Variants in RBFOX1 observed in about 807,000 individuals in gnomAD.
RBFOX1 encodes the protein RNA binding fox-1 homolog 1.
Under a neutral mutation model 57.7 loss-of-function variants are expected in RBFOX1, and 8 were observed. That is an observed-to-expected ratio of 0.14 (90% CI 0.08 to 0.25). The LOEUF (loss-of-function observed/expected upper bound fraction) is 0.25. Among genes scored for constraint, RBFOX1 ranks in the 10% least tolerant of loss-of-function variants. The probability of loss-of-function intolerance (pLI) is 1.00; values close to 1 mark genes in which losing one functional copy is unlikely to be tolerated. For missense variants in RBFOX1, 611 were observed against 548.5 expected (o/e 1.11, Z -1.14); for synonymous variants, 326 against 222.4 (o/e 1.47, Z -4.15).
intron 10 of RBFOX1, among the ~76,000 whole-genome samples, chr16:7,610,681 T>C (rs2057313293): frequency 6.6e-6 from 1 of 152,206 alleles, no homozygotes. Flanking sequence ...GACATGTAGC[T>C]GTAATTTTAA....
chr16:5,662,412 C>G (rs1329460310), intron 3 of RBFOX1, among the ~76,000 whole-genome samples: 1 of 152,080 alleles, frequency 6.6e-6, no homozygotes, highest in Non-Finnish European at 1.5e-5. Context: ...TGTGAAAGTG[C>G]CAATATCATC....
intron 14 of RBFOX1, among the ~76,000 whole-genome samples, chr16:7,691,971 G>T (rs2077450826): frequency 6.6e-6 from 1 of 152,150 alleles, no homozygotes; most frequent in African/African-American, 2.4e-5. Flanking sequence ...CATACCTGTA[G>T]TTAGGAATTC....
intron 3 of RBFOX1, among the ~76,000 whole-genome samples, chr16:5,751,541 G>T (rs1250776687): frequency 1.3e-5 from 2 of 152,252 alleles, no homozygotes; most frequent in African/African-American, 4.8e-5. Context: ...GCTGGATGAA[G>T]GTGAATCTGG....
intron 2 of RBFOX1, among the ~76,000 whole-genome samples, chr16:6,581,677 G>T (rs1218234372): frequency 1.3e-5 from 2 of 152,160 alleles, no homozygotes; most frequent in Non-Finnish European, 2.9e-5. Flanking sequence ...CTGCTAAGGG[G>T]GCCTCCCTCA....
At chr16:5,722,014 G>C (rs946259577) in intron 3 of RBFOX1, among the ~76,000 whole-genome samples, 1 of 152,162 alleles carries the variant, frequency 6.6e-6, no homozygotes, top group South Asian at 2.1e-4. Context: ...TGTTGCCTGG[G>C]TTGGGCTCTA....
rs147745638 is a variant in RBFOX1 at position 7,686,062 on chromosome 16, G to A, written c.995+9224G>A. On this transcript the variant is annotated intron_variant, in intron 14 of 15. Coordinates refer to ENST00000550418, the MANE Select transcript of RBFOX1 (RefSeq NM_018723.4). ...ATGGATGACCATTGCTTCTTTGCGT[G>A]GTTGTGAGAATCCATTGCTGTCATG... is the stretch of plus-strand genomic sequence containing the variant. Among the ~76,000 whole-genome samples, 163 of 152,022 alleles carry A rather than the reference G, an allele frequency of 1.1e-3. 1 individual carries two copies. The East Asian group carries it at 0.024, about 23-fold the overall frequency.
At chr16:6,787,454 C>T (rs906647853) in intron 3 of RBFOX1, among the ~76,000 whole-genome samples, 6 of 152,174 alleles carry the variant, frequency 3.9e-5, no homozygotes, top group East Asian at 1.9e-4. Flanking sequence ...CCTGGTTATA[C>T]AGTTAGAGTG....
chr16:6,173,577 T>C (rs1419900973), intron 1 of RBFOX1, among the ~76,000 whole-genome samples: 1 of 150,818 alleles, frequency 6.6e-6, no homozygotes, highest in Non-Finnish European at 1.5e-5. Flanking sequence ...AGCTATTGAA[T>C]TGTATGGAGT....
chr16:6,229,210 T>G (rs1031003362), intron 1 of RBFOX1, among the ~76,000 whole-genome samples: 1 of 151,910 alleles, frequency 6.6e-6, no homozygotes, highest in Non-Finnish European at 1.5e-5. Context: ...TTTGTAAAGC[T>G]CACAGGATTG....
At chr16:7,226,790 C>T (rs148978192) in intron 4 of RBFOX1, among the ~76,000 whole-genome samples, 85 of 152,288 alleles carry the variant, frequency 5.6e-4, no homozygotes, top group African/African-American at 1.9e-3. Flanking sequence ...CCTGTATATT[C>T]CTCTTTATAA....
intron 3 of RBFOX1, among the ~76,000 whole-genome samples, chr16:6,692,929 C>A (rs1233752111): frequency 1.3e-5 from 2 of 150,576 alleles, no homozygotes; most frequent in Non-Finnish European, 3.0e-5. Context: ...CTACCATCAC[C>A]ACCATTATTA....
At chr16:5,570,818 C>T (rs1421159716) in intron 2 of RBFOX1, among the ~76,000 whole-genome samples, 3 of 131,362 alleles carry the variant, frequency 2.3e-5, no homozygotes, top group Non-Finnish European at 4.7e-5. Flanking sequence ...CCAGTCTGGG[C>T]AACAGAGTGA....
chr16:7,366,077 G>A (rs28488588), intron 4 of RBFOX1, among the ~76,000 whole-genome samples: 8,430 of 152,218 alleles, frequency 0.055, 537 homozygotes, highest in East Asian at 0.15. Context: ...TCATCACTGA[G>A]CCAATCAGCT....
chr16:6,881,380 T>A (rs528788126), intron 3 of RBFOX1, among the ~76,000 whole-genome samples: 11 of 152,258 alleles, frequency 7.2e-5, no homozygotes, highest in African/African-American at 2.6e-4. Flanking sequence ...ACTCTCACAG[T>A]TCTGCAGACT....
chr16:5,693,605 G>A lies in RBFOX1; in HGVS notation c.318+94644G>A, dbSNP rs1489182556. Among the ~76,000 whole-genome samples, 6 of 152,132 alleles carry A rather than the reference G, an allele frequency of 3.9e-5. No individual in the cohort carries two copies. The East Asian group carries it at 9.6e-4, about 24-fold the overall frequency. ...TTCAATCATGCTGCTGTGGAGGGTG[G>A]GTGGTGATGGATTTCAGTGTGGGTG... On this transcript the variant is annotated intron_variant, in intron 3 of 19. Coordinates refer to the RBFOX1 transcript ENST00000641259.
intron 13 of RBFOX1, among the ~76,000 whole-genome samples, chr16:7,674,729 G>T (rs1034736799): frequency 6.6e-6 from 1 of 152,160 alleles, no homozygotes. Context: ...GGAATCCCAG[G>T]TGTACACACC....
chr16:6,391,817 C>G (rs960700441), intron 2 of RBFOX1, among the ~76,000 whole-genome samples: 1 of 152,120 alleles, frequency 6.6e-6, no homozygotes, highest in Non-Finnish European at 1.5e-5. Flanking sequence ...CCCTCCCATC[C>G]TCGAAGAGCT....
chr16:6,460,827 C>CGAA (rs2094900762), intron 2 of RBFOX1, among the ~76,000 whole-genome samples: 1 of 141,336 alleles, frequency 7.1e-6, no homozygotes, highest in Non-Finnish European at 1.5e-5. Context: ...TTCAGAATAC[C>CGAA]AAAAAAAAAA....
rs374763706 is a variant in RBFOX1, at chr16:6,300,155, CAG to C, written c.-126-16835_-126-16834del. ...TCTAAAAAAGTCAAACTCATAGAAA[CAG>C]AGAGTAGAATGGTGTTTACCAGAGG... On this transcript the variant is annotated intron_variant, in intron 1 of 15. Coordinates refer to ENST00000550418, the MANE Select transcript of RBFOX1 (RefSeq NM_018723.4). Among the ~76,000 whole-genome samples, 32 of 152,202 alleles carry C rather than the reference CAG, an allele frequency of 2.1e-4. No homozygotes were observed. In the East Asian group the frequency reaches 6.0e-3, roughly 28 times the overall value.
Sources: allele counts gnomAD v4.1 joint callset (sites outside exome capture counted in the v4.1 genomes callset), GRCh38; gene constraint gnomAD v4.1.1; transcripts MANE v1.5; gene names NCBI Gene and HGNC (gene_info 2026-07-23, HGNC 2026-07-21).